GPRIN2: variants seen among roughly 807,000 people sequenced by gnomAD.
GPRIN2 encodes G protein-regulated inducer of neurite outgrowth 2.
A neutral mutation model predicts 0.3 loss-of-function variants in GPRIN2; 1 was observed. The ratio of observed to expected loss-of-function variants is 3.90; its 90% CI spans 1.39 to 18.51. The LOEUF is 18.51. GPRIN2 is among the 30% of genes most tolerant of loss of function. The pLI is 0.11. For missense variants in GPRIN2, 880 were observed against 604.2 expected (o/e 1.46, Z -4.79); for synonymous variants, 361 against 258.6 (o/e 1.40, Z -3.80).
Position 46,547,771 on chromosome 10 carries a change from C to A in GPRIN2, c.*1589G>T, listed in dbSNP as rs556435313. On this transcript the variant is annotated 3_prime_UTR_variant, in exon 3 of 3. Transcript: ENST00000374314. The stretch of plus-strand genomic sequence containing the variant: ...GTGAGCTGCCTGCCCTGGCACCATA[C>A]ACAAAGGGACTGACAGCCCCAGAAT... 6.6e-6 allele frequency among the ~76,000 whole-genome samples: 1 copy of A among 152,304 alleles called. No homozygotes were observed. The highest frequency in any genetic ancestry group is 6.5e-5 in the Admixed American group (1 of 15,294).
Position 46,545,136 on chromosome 10 carries a change from G to A in GPRIN2, c.*4224C>T, listed in dbSNP as rs1303810293. Among the ~76,000 whole-genome samples the A allele has an allele frequency of 1.3e-5, 2 of 152,306 alleles. No homozygotes were observed. The highest frequency in any genetic ancestry group is 4.8e-5 in the African/African-American group (2 of 41,484). On this transcript the variant is annotated 3_prime_UTR_variant, in exon 3 of 3. Coordinates refer to ENST00000374314, the MANE Select transcript of GPRIN2 (RefSeq NM_001385282.1). ...AGCAATGCATGGAGAAAAGGGTTGG[G>A]CATTTGTGGGCTACAAGCTTGGCAT...
At chr10:46,551,100 G>C (rs1210007510) in intron 2 of GPRIN2, among the ~76,000 whole-genome samples, 4 of 152,302 alleles carry the variant, frequency 2.6e-5, no homozygotes, top group Admixed American at 6.5e-5. Flanking sequence ...TGGGGCTTTG[G>C]GGGTGAAACT....
rs1409760596 is a variant in GPRIN2 at position 46,541,817 on chromosome 10, T to C, written c.*7543A>G. ...AAACTAATGAAAAAATGATAAAATA[T>C]CAAAAATTTCAATAAAGCAGCATCC... is the stretch of plus-strand genomic sequence containing the variant. On this transcript the variant is annotated 3_prime_UTR_variant, in exon 3 of 3. Transcript: ENST00000374314. 6.6e-6 allele frequency among the ~76,000 whole-genome samples: 1 copy of C among 152,300 alleles called. No homozygotes were observed. The highest frequency in any genetic ancestry group is 1.5e-5 in the Non-Finnish European group (1 of 68,054).
rs1832603676 is a variant in GPRIN2 at position 46,549,748 on chromosome 10, A to G, written c.989T>C (p.Leu330Pro). 2 of 1,614,216 alleles carry G rather than the reference A, an allele frequency of 1.2e-6. No individual in the cohort carries two copies. Among genetic ancestry groups the G allele is most frequent in the African/African-American group, 2.7e-5 (2 of 75,090 alleles). The change falls in exon 3 of 3, where the codon CTG (leucine) becomes CCG (proline). Residue 330 changes from leucine (L) to proline (P), a missense_variant. By Grantham distance (98) the Leu-to-Pro change is moderately conservative. Coordinates refer to ENST00000374314, the MANE Select transcript of GPRIN2 (RefSeq NM_001385282.1). ...CTGCACACCAGCATCCTGGGCTGAC[A>G]GCGGGGATGCCTCTGCAGGGGCCAA... is the stretch of plus-strand genomic sequence containing the variant. ...NDLAPAEASP[L>P]SAQDAGVQAA...
intron 2 of GPRIN2, 103 bp from the exon 3 acceptor site, chr10:46,550,845 C>G: frequency 7.7e-7 from 1 of 1,299,136 alleles, no homozygotes; most frequent in Non-Finnish European, 1.0e-6. Context: ...AGGGAGCCAC[C>G]TTCAGTCCCA....
rs1832909495 is a variant in GPRIN2, at chr10:46,546,305, G to A, written c.*3055C>T. The stretch of plus-strand genomic sequence containing the variant: ...GTCGGGGGTCCTGAATGCCATGGAA[G>A]GAGAGCAGGTGGGCAGAAGCAGGGA... On this transcript the variant is annotated 3_prime_UTR_variant, in exon 3 of 3. Transcript: ENST00000374314. Among the ~76,000 whole-genome samples, 4 of 152,312 alleles carry A rather than the reference G, an allele frequency of 2.6e-5. No homozygotes were observed.
rs1011009015 is a variant in GPRIN2, at chr10:46,542,771, G to C, written c.*6589C>G. Among the ~76,000 whole-genome samples, 1 of 152,304 alleles carries C rather than the reference G, an allele frequency of 6.6e-6. No individual in the cohort carries two copies. Among genetic ancestry groups the C allele is most frequent in the African/African-American group, 2.4e-5 (1 of 41,488 alleles). On this transcript the variant is annotated 3_prime_UTR_variant, in exon 3 of 3. Coordinates refer to ENST00000374314, the MANE Select transcript of GPRIN2 (RefSeq NM_001385282.1). The stretch of plus-strand genomic sequence containing the variant: ...CACGAATCCAGTTCCTGACAGCAGA[G>C]AAGCATACAGGTGGGACAGTGCAGT...
upstream of GPRIN2, among the ~76,000 whole-genome samples, chr10:46,557,342 C>G (rs956069557): frequency 6.6e-6 from 1 of 152,300 alleles, no homozygotes; most frequent in Non-Finnish European, 1.5e-5. Context: ...CCTGGCCTGG[C>G]CCCCGGAGCC....
At chr10:46,552,922 C>T (rs1228841920) in intron 2 of GPRIN2, among the ~76,000 whole-genome samples, 1 of 152,312 alleles carries the variant, frequency 6.6e-6, no homozygotes, top group African/African-American at 2.4e-5. Flanking sequence ...AGACCCTGCC[C>T]TCAATGAGCT....
rs1317860076 is a variant in GPRIN2, at chr10:46,545,177, G to A, written c.*4183C>T. Among the ~76,000 whole-genome samples the A allele has an allele frequency of 1.3e-5, 2 of 152,428 alleles. No homozygotes were observed. The highest frequency in any genetic ancestry group is 2.4e-5 in the African/African-American group (1 of 41,610). On this transcript the variant is annotated 3_prime_UTR_variant, in exon 3 of 3. Coordinates refer to ENST00000374314, the MANE Select transcript of GPRIN2 (RefSeq NM_001385282.1). ...AGCTTGGCATGACATGGATGCAAAT[G>A]TCAATGGGTGCACCCCCAGATGCCT... is the stretch of plus-strand genomic sequence containing the variant.
rs1354273016 is a variant in GPRIN2, at chr10:46,548,864, A to G, written c.*496T>C. Among the ~76,000 whole-genome samples, 3 of 152,310 alleles carry G rather than the reference A, an allele frequency of 2.0e-5. No homozygotes were observed. In the East Asian group the frequency reaches 5.8e-4, roughly 29 times the overall value. On this transcript the variant is annotated 3_prime_UTR_variant, in exon 3 of 3. Transcript: ENST00000374314. ...GCCAGGATGAAGAGGTGAAGACAGG[A>G]CAAGCACAGTATGTGGCACACAGGA... is the stretch of plus-strand genomic sequence containing the variant.
chr10:46,550,831 C>T, intron 2 of GPRIN2, 89 bp from the exon 3 acceptor site: 1 of 1,373,590 alleles, frequency 7.3e-7, no homozygotes, highest in Non-Finnish European at 9.6e-7. Context: ...GTGCTAGGTT[C>T]ACCAGGGAGC....
At position 46,543,944 on chromosome 10, in the gene GPRIN2, G is replaced by A. The variant is rs1833015440; in HGVS notation, c.*5416C>T. ...CCCATCCCCAATCCTATGGGCCCACGTCACTTTGGTTTCGCTTGTTTTTTT... is the reference window on the plus strand; with the variant it reads ...CCCATCCCCAATCCTATGGGCCCACATCACTTTGGTTTCGCTTGTTTTTTT... On this transcript the variant is annotated 3_prime_UTR_variant, in exon 3 of 3. Coordinates refer to ENST00000374314, the MANE Select transcript of GPRIN2 (RefSeq NM_001385282.1). Among the ~76,000 whole-genome samples, 3 of 151,928 alleles carry A rather than the reference G, an allele frequency of 2.0e-5. No homozygotes were observed. The highest frequency in any genetic ancestry group is 2.1e-4 in the South Asian group (1 of 4,814).
At chr10:46,555,970 C>G (rs565354821) in intron 1 of GPRIN2, among the ~76,000 whole-genome samples, 1 of 152,308 alleles carries the variant, frequency 6.6e-6, no homozygotes, top group African/African-American at 2.4e-5. Context: ...CCCAGAATAG[C>G]TCCCCTCCCG....
rs1011228676 is a variant in GPRIN2 at position 46,545,953 on chromosome 10, G to A, written c.*3407C>T. On this transcript the variant is annotated 3_prime_UTR_variant, in exon 3 of 3. Coordinates refer to ENST00000374314, the MANE Select transcript of GPRIN2 (RefSeq NM_001385282.1). ...TATCCAGATTCAAACTCCAGCTTTA[G>A]CCCACTAAGCTACGGTGGCCAACCC... 3.9e-5 allele frequency among the ~76,000 whole-genome samples: 6 copies of A among 152,306 alleles called. No individual in the cohort carries two copies. Among genetic ancestry groups the A allele is most frequent in the Non-Finnish European group, 7.3e-5 (5 of 68,056 alleles).
Position 46,542,983 on chromosome 10 carries a change from G to A in GPRIN2, c.*6377C>T, listed in dbSNP as rs1416843714. The stretch of plus-strand genomic sequence containing the variant: ...GCCACCAAAAGTTAGGACTGATGGG[G>A]TGCCCTTCCAGCCCGACCAAAGTCC... On this transcript the variant is annotated 3_prime_UTR_variant, in exon 3 of 3. Transcript: ENST00000374314. Among the ~76,000 whole-genome samples, 1 of 152,310 alleles carries A rather than the reference G, an allele frequency of 6.6e-6. No individual in the cohort carries two copies. Among genetic ancestry groups the A allele is most frequent in the African/African-American group, 2.4e-5 (1 of 41,486 alleles).
Position 46,543,051 on chromosome 10 carries a change from C to G in GPRIN2, c.*6309G>C, listed in dbSNP as rs1393472272. Among the ~76,000 whole-genome samples the G allele has an allele frequency of 5.9e-5, 9 of 152,426 alleles. No homozygotes were observed. The highest frequency in any genetic ancestry group is 1.2e-4 in the Non-Finnish European group (8 of 68,046). ...GGCCACTGACAACTGATTTCTCATTCTGGGCAAAAGCAATGGAAACTTGGC... is the reference window on the plus strand; with the variant it reads ...GGCCACTGACAACTGATTTCTCATTGTGGGCAAAAGCAATGGAAACTTGGC... On this transcript the variant is annotated 3_prime_UTR_variant, in exon 3 of 3. Transcript: ENST00000374314.
chr10:46,553,604 C>T (rs1842850274), intron 2 of GPRIN2, among the ~76,000 whole-genome samples: 1 of 152,308 alleles, frequency 6.6e-6, no homozygotes, highest in Admixed American at 6.5e-5. Flanking sequence ...AAGCCATGAG[C>T]AATGAGCATC....
Position 46,543,260 on chromosome 10 carries a change from G to C in GPRIN2, c.*6100C>G, listed in dbSNP as rs2133148515. Reference sequence around the variant, plus strand: ...GAATGGCCAAGACCGCAAGAAGAGAGACTACTGTATGGAGCCAGAAGGCGA... The same window carrying C: ...GAATGGCCAAGACCGCAAGAAGAGACACTACTGTATGGAGCCAGAAGGCGA... On this transcript the variant is annotated 3_prime_UTR_variant, in exon 3 of 3. Transcript: ENST00000374314. Among the ~76,000 whole-genome samples the C allele has an allele frequency of 6.6e-6, 1 of 152,420 alleles. No individual in the cohort carries two copies. Among genetic ancestry groups the C allele is most frequent in the South Asian group, 2.1e-4 (1 of 4,826 alleles).
Sources: gnomAD v4.1 joint callset for allele counts (sites outside exome capture counted in the v4.1 genomes callset) on GRCh38, gnomAD v4.1.1 for gene constraint, MANE v1.5 for transcripts, NCBI Gene and HGNC (gene_info 2026-07-23, HGNC 2026-07-21) for gene names.